Variants in KMT5C observed in about 807,000 individuals in gnomAD.
The protein encoded by KMT5C is histone-lysine N-methyltransferase KMT5C.
Under a neutral mutation model 38.2 loss-of-function variants are expected in KMT5C, and 16 were observed. That is an observed-to-expected ratio of 0.42 (90% CI 0.28 to 0.64). The LOEUF (loss-of-function observed/expected upper bound fraction) is 0.64. Ranked by LOEUF, KMT5C falls within the 30% of genes least tolerant of loss-of-function variation. KMT5C has a pLI of 0.23. For synonymous variants in KMT5C, 291 were observed against 279.0 expected (o/e 1.04, Z -0.43); for missense variants, 598 against 665.1 (o/e 0.90, Z 1.11).
chr19:55,340,968 C>T (rs1376076959), intron 1 of KMT5C, among the ~76,000 whole-genome samples: 2 of 152,036 alleles, frequency 1.3e-5, no homozygotes, highest in African/African-American at 2.4e-5. Context: ...CGCAGTCTGT[C>T]CCCGACCCCT....
At chr19:55,341,039 C>T (rs1055156686) in intron 1 of KMT5C, among the ~76,000 whole-genome samples, 6 of 152,244 alleles carry the variant, frequency 3.9e-5, no homozygotes, top group African/African-American at 7.2e-5. Flanking sequence ...CTCCTGGGCG[C>T]GGATGAGCCT....
At position 55,343,906 on chromosome 19, in the gene KMT5C, G is replaced by A. The variant is rs1051015792; in HGVS notation, c.550+63G>A. The A allele has an allele frequency of 1.9e-6, 3 of 1,607,182 alleles. No homozygotes were observed. The African/African-American group carries it at 4.0e-5, about 21-fold the overall frequency. ...AGCCAGGCAGGGCTGGAGGGGTGTA[G>A]TGGGAGGGTTCTGCGACTGAGCTGC... On this transcript the variant is annotated intron_variant, in intron 5 of 8. Transcript: ENST00000255613. The surrounding 1 kb of genome is among the most constrained non-coding windows in gnomAD (Gnocchi z 5.5).
rs781359695 is a variant in KMT5C at position 55,342,256 on chromosome 19, C to T, written c.152C>T (p.Ala51Val). ...CGGCGACAGCAGCACCTGCGCTCAG[C>T]GCTGGAAACTTTCCTGAGGCAGCGG... The part of the protein sequence containing the change: ...PLRRQQHLRS[A>V]LETFLRQRDL... The change falls in exon 3 of 9, where the codon GCG (alanine) becomes GTG (valine). Residue 51 changes from alanine to valine, a missense_variant. Around this residue, in one of 3 missense-constraint regions of KMT5C, gnomAD observed 167 missense variants for 187.8 expected, o/e 0.89. Transcript: ENST00000255613. 13 of 1,608,980 alleles carry T rather than the reference C, an allele frequency of 8.1e-6. No homozygotes were observed. The highest frequency in any genetic ancestry group is 9.3e-6 in the Non-Finnish European group (11 of 1,178,604).
chr19:55,346,531 A>C lies in KMT5C; in HGVS notation c.739A>C (p.Arg247=), dbSNP rs879029289. ...TGAAGGAGCTTTCCGAACCAGGCCT[A>C]GGGAGCCCGCGTTGCCACCACGGCC... ...KGEGAFRTRP[R]EPALPPRPLD... Residue 247 remains arginine, a synonymous_variant, in exon 8 of 9, where the codon AGG becomes CGG. Coordinates refer to ENST00000255613, the MANE Select transcript of KMT5C (RefSeq NM_032701.4). The C allele has an allele frequency of 6.3e-7, 1 of 1,597,628 alleles. No individual in the cohort carries two copies. Among genetic ancestry groups the C allele is most frequent in the South Asian group, 1.1e-5 (1 of 88,542 alleles).
chr19:55,347,696 T>C lies in KMT5C; in HGVS notation c.*247T>C. 1 of 539,170 alleles carries C rather than the reference T, an allele frequency of 1.9e-6. No homozygotes were observed. The highest frequency in any genetic ancestry group is 3.1e-6 in the Non-Finnish European group (1 of 327,302). 33.4% of individuals were successfully genotyped at this position (539,170 alleles called of 1,614,324 possible). A position where few individuals can be genotyped will look rare whatever the true frequency, so the allele number is the denominator to read the frequency against. On this transcript the variant is annotated 3_prime_UTR_variant, in exon 9 of 9. Transcript: ENST00000255613. This position sits in a 1 kb window ranked among gnomAD's most constrained non-coding sequence, Gnocchi z 4.6. ...GGCCATTTGCTGCCCTCCCCACCCCTGCCCCAGCCTCAGGACTGCAGGAGC... is the reference window on the plus strand; with the variant it reads ...GGCCATTTGCTGCCCTCCCCACCCCCGCCCCAGCCTCAGGACTGCAGGAGC...
intron 4 of KMT5C, 117 bp downstream of exon 4, chr19:55,342,968 C>T (rs548170715): frequency 1.4e-5 from 10 of 696,514 alleles, no homozygotes; most frequent in Non-Finnish European, 2.3e-5. Context: ...CCTGGTCCTC[C>T]GGGCATCCTA....
rs906146445 is a variant in KMT5C at position 55,343,121 on chromosome 19, C to T, written c.386+270C>T. The T allele has an allele frequency of 7.4e-6, 3 of 405,522 alleles. No homozygotes were observed. The highest frequency in any genetic ancestry group is 9.2e-6 in the Non-Finnish European group (2 of 218,086). The allele number at this position is 405,522 out of a possible 1,614,324, so 25.1% of individuals were successfully genotyped here. The stretch of plus-strand genomic sequence containing the variant: ...GGTCAGGGCCGTGCTGTCCTTACCT[C>T]CTTGTGACCTGAGCCCCCACCACAT... On this transcript the variant is annotated intron_variant, in intron 4 of 8. Transcript: ENST00000255613. This position sits in a 1 kb window ranked among gnomAD's most constrained non-coding sequence, Gnocchi z 5.5.
chr19:55,346,811 C>G, intron 8 of KMT5C, 124 bp downstream of exon 8: 3 of 699,440 alleles, frequency 4.3e-6, no homozygotes, highest in Non-Finnish European at 4.2e-6. Flanking sequence ...CGCTGGCAGG[C>G]CTCGCTGTTG....
rs1389630501 is a variant in KMT5C, at chr19:55,347,915, AGGTTGGGGGG to A, written c.*467_*476del. On this transcript the variant is annotated 3_prime_UTR_variant, in exon 9 of 9. Coordinates refer to ENST00000255613, the MANE Select transcript of KMT5C (RefSeq NM_032701.4). The surrounding 1 kb of genome is among the most constrained non-coding windows in gnomAD (Gnocchi z 4.6). ...TCTGCAGCTGTCTGCGGTGGGGGGA[AGGTTGGGGGG>A]TGTCTGGAGGCATGTTCCCCTCACC... is the stretch of plus-strand genomic sequence containing the variant. The A allele has an allele frequency of 6.3e-6, 1 of 157,882 alleles. No homozygotes were observed. Among genetic ancestry groups the A allele is most frequent in the Non-Finnish European group, 1.4e-5 (1 of 72,208 alleles). 9.8% of individuals were successfully genotyped at this position (157,882 alleles called of 1,614,324 possible). A position where few individuals can be genotyped will look rare whatever the true frequency, so the allele number is the denominator to read the frequency against.
intron 6 of KMT5C, 160 bp downstream of exon 6, chr19:55,344,157 G>A (rs1010396861): frequency 1.6e-5 from 11 of 692,072 alleles, no homozygotes; most frequent in South Asian, 9.1e-5. Flanking sequence ...GGCAGATCAC[G>A]AGGTCAGGAG....
In KMT5C at chr19:55,346,937, G is replaced by A. The variant is rs191650686; in HGVS notation, c.896-19G>A. On this transcript the variant is annotated intron_variant, in intron 8 of 8. Transcript: ENST00000255613. ...CCTCTCCTTTGTTCCTCCTCTCCCTGCCACCTGGGCCTTCACAGCCGCCTG... is the reference window on the plus strand; with the variant it reads ...CCTCTCCTTTGTTCCTCCTCTCCCTACCACCTGGGCCTTCACAGCCGCCTG... 327 of 859,122 alleles carry A rather than the reference G, an allele frequency of 3.8e-4. 1 individual carries two copies. Among genetic ancestry groups the A allele is most frequent in the Non-Finnish European group, 5.8e-6 (3 of 518,844 alleles). 53.2% of individuals were successfully genotyped at this position (859,122 alleles called of 1,614,324 possible). A position where few individuals can be genotyped will look rare whatever the true frequency, so the allele number is the denominator to read the frequency against.
Position 55,343,838 on chromosome 19 carries a change from A to G in KMT5C, c.545A>G (p.Asn182Ser). 6.2e-7 allele frequency: 1 copy of G among 1,613,698 alleles called. No homozygotes were observed. Among genetic ancestry groups the G allele is most frequent in the Non-Finnish European group, 8.5e-7 (1 of 1,179,884 alleles). Reference sequence around the variant, plus strand: ...TGGCTGGGCCCAGCCGCCTTCATCAACCATGGTGAGGGTCAGGCAGGTGGA... The same window carrying G: ...TGGCTGGGCCCAGCCGCCTTCATCAGCCATGGTGAGGGTCAGGCAGGTGGA... ...QLWLGPAAFI[N>S]HDCKPNCKFV... Residue 182 changes from asparagine (N) to serine (S), a missense_variant, in exon 5 of 9, where the codon AAC becomes AGC. Asn to Ser is a conservative substitution (Grantham distance 46). Around this residue, in one of 3 missense-constraint regions of KMT5C, gnomAD observed 105 missense variants for 179.2 expected, o/e 0.59. Coordinates refer to ENST00000255613, the MANE Select transcript of KMT5C (RefSeq NM_032701.4). This position sits in a 1 kb window ranked among gnomAD's most constrained non-coding sequence, Gnocchi z 5.5.
Position 55,346,999 on chromosome 19 carries a change from A to G in KMT5C, c.939A>G (p.Pro313=), listed in dbSNP as rs1208927716. ...PLRLPACSAR[P]DTSPLWLQWL... The stretch of plus-strand genomic sequence containing the variant: ...GCCTGCCAGCCTGCAGCGCCCGCCC[A>G]GACACCTCACCCCTCTGGCTCCAGT... Residue 313 remains proline (P), a synonymous_variant, in exon 9 of 9, where the codon CCA becomes CCG. Coordinates refer to ENST00000255613, the MANE Select transcript of KMT5C (RefSeq NM_032701.4). 4 of 1,295,222 alleles carry G rather than the reference A, an allele frequency of 3.1e-6. No homozygotes were observed. In the South Asian group the frequency reaches 3.5e-5, roughly 11 times the overall value. 80.2% of individuals were successfully genotyped at this position (1,295,222 alleles called of 1,614,324 possible). A position where few individuals can be genotyped will look rare whatever the true frequency, so the allele number is the denominator to read the frequency against.
At chr19:55,344,880 C>T (rs1309512154) in intron 6 of KMT5C, 20 of 472,428 alleles carry the variant, frequency 4.2e-5, no homozygotes, top group Non-Finnish European at 8.8e-5. Context: ...ATTTTTGGCT[C>T]CAGAGTCAGA....
chr19:55,343,847 A>C lies in KMT5C; in HGVS notation c.550+4A>C. 6.2e-7 allele frequency: 1 copy of C among 1,613,218 alleles called. No homozygotes were observed. Among genetic ancestry groups the C allele is most frequent in the Non-Finnish European group, 8.5e-7 (1 of 1,179,550 alleles). On this transcript the variant is annotated splice_donor_region_variant and intron_variant, in intron 5 of 8. Transcript: ENST00000255613. The surrounding 1 kb of genome is among the most constrained non-coding windows in gnomAD (Gnocchi z 5.5). ...CCAGCCGCCTTCATCAACCATGGTG[A>C]GGGTCAGGCAGGTGGATGGGCAGGA...
chr19:55,347,096 C>T lies in KMT5C; in HGVS notation c.1036C>T (p.Leu346Phe). ...RRPRPRRAPVLSTHHAARVSL... is the reference protein window; with the variant it reads ...RRPRPRRAPVFSTHHAARVSL... ...CCCCCGGCCCCGGAGGGCCCCAGTG[C>T]TCTCCACCCACCACGCTGCCCGCGT... The change falls in exon 9 of 9, where the codon CTC becomes TTC. Residue 346 changes from leucine to phenylalanine, a missense_variant. Around this residue, in one of 3 missense-constraint regions of KMT5C, gnomAD observed 326 missense variants for 298.1 expected, o/e 1.09. Coordinates refer to ENST00000255613, the MANE Select transcript of KMT5C (RefSeq NM_032701.4). This position sits in a 1 kb window ranked among gnomAD's most constrained non-coding sequence, Gnocchi z 4.6. 6.4e-7 allele frequency: 1 copy of T among 1,566,600 alleles called. No individual in the cohort carries two copies. Among genetic ancestry groups the T allele is most frequent in the East Asian group, 2.3e-5 (1 of 42,992 alleles).
chr19:55,342,631 G>GC, intron 3 of KMT5C, 111 bp from the exon 4 acceptor site: 1 of 696,396 alleles, frequency 1.4e-6, no homozygotes, highest in South Asian at 1.6e-5. Flanking sequence ...GGAACATGAG[G>GC]CCCCCAAGAC....
chr19:55,340,913 C>G (rs1424379926), intron 1 of KMT5C, among the ~76,000 whole-genome samples: 2 of 151,864 alleles, frequency 1.3e-5, no homozygotes, highest in Non-Finnish European at 2.9e-5. Flanking sequence ...TCCCCGCTGT[C>G]CCTGGCGTCC....
Position 55,346,493 on chromosome 19 carries a change from C to CT in KMT5C, c.708-6dup. On this transcript the variant is annotated splice_region_variant and splice_polypyrimidine_tract_variant and intron_variant, in intron 7 of 8. Coordinates refer to ENST00000255613, the MANE Select transcript of KMT5C (RefSeq NM_032701.4). ...CGGCCTCATCTCCCCTTCACCCGGT[C>CT]TCCCAGGAAAGGTGAAGGAGCTTTC... The CT allele has an allele frequency of 6.3e-7, 1 of 1,591,890 alleles. No homozygotes were observed. Among genetic ancestry groups the CT allele is most frequent in the Non-Finnish European group, 8.6e-7 (1 of 1,169,574 alleles).
Sources: gnomAD v4.1 joint callset for allele counts (sites outside exome capture counted in the v4.1 genomes callset) on GRCh38, gnomAD v4.1.1 for gene constraint, gnomAD v4.1.1 regional missense constraint, Gnocchi (gnomAD v3.1) non-coding constraint, MANE v1.5 for transcripts, NCBI Gene and HGNC (gene_info 2026-07-23, HGNC 2026-07-21) for gene names.